The following TBPL1 variants were observed in gnomAD, a reference collection of about 807,000 sequenced individuals.
The protein encoded by TBPL1 is TATA box-binding protein-like 1.
TBPL1 carries 4 observed loss-of-function variants against 22.1 expected under a neutral mutation model. That is an observed-to-expected ratio of 0.18 (90% CI 0.09 to 0.41). The LOEUF (loss-of-function observed/expected upper bound fraction) is 0.41. Ranked by LOEUF, TBPL1 falls within the 10% of genes least tolerant of loss-of-function variation. TBPL1 has a pLI of 1.00. For missense variants in TBPL1, 115 were observed against 222.3 expected (o/e 0.52, Z 3.07); for synonymous variants, 64 against 71.0 (o/e 0.90, Z 0.50).
chr6:133,986,836 CTTTTT>C (rs199644439), intron 6 of TBPL1, 120 bp from the exon 7 acceptor site: 1 of 572,968 alleles, frequency 1.7e-6, no homozygotes, highest in East Asian at 3.2e-5. Flanking sequence ...GTCTAGTTTT[CTTTTT>C]TTTAACAGTT....
intron 1 of TBPL1, among the ~76,000 whole-genome samples, chr6:133,965,995 C>G (rs1776111221): frequency 6.6e-6 from 1 of 152,188 alleles, no homozygotes; most frequent in African/African-American, 2.4e-5. Context: ...AACTTACCCA[C>G]AGTCATATGG....
Position 133,987,648 on chromosome 6 carries a change from G to GTT in TBPL1, c.*609_*610insTT, listed in dbSNP as rs200249148. 1.1e-5 allele frequency: 1 copy of GTT among 88,396 alleles called. No homozygotes were observed. The highest frequency in any genetic ancestry group is 2.8e-5 in the Non-Finnish European group (1 of 35,232). 5.5% of individuals were successfully genotyped at this position (88,396 alleles called of 1,614,324 possible). A position where few individuals can be genotyped will look rare whatever the true frequency, so the allele number is the denominator to read the frequency against. ...TTTGTGTGTGTGTGTGTGTGTGTGT[G>GTT]TATATATATATATATATATGCACCA... On this transcript the variant is annotated 3_prime_UTR_variant, in exon 7 of 7. Transcript: ENST00000237264.
At position 133,982,559 on chromosome 6, in the gene TBPL1, TCCCCCCAGA is replaced by T; in HGVS notation, c.136-8_136del. On this transcript the variant is annotated splice_acceptor_variant and splice_polypyrimidine_tract_variant and coding_sequence_variant and intron_variant, in exon 3 of 7. Transcript: ENST00000237264. LOFTEE classifies it high-confidence loss of function. The stretch of plus-strand genomic sequence containing the variant: ...GCTTATGAGGTAATCAGATTTTTTT[TCCCCCCAGA>T]AAGTATTAATGAAGCTTAGAAAACC... The T allele has an allele frequency of 6.2e-7, 1 of 1,606,296 alleles. No homozygotes were observed.
Sources: allele counts gnomAD v4.1 joint callset (sites outside exome capture counted in the v4.1 genomes callset), GRCh38; gene constraint gnomAD v4.1.1; transcripts MANE v1.5; gene names NCBI Gene and HGNC (gene_info 2026-07-23, HGNC 2026-07-21).